Variants in AKAP19 observed in about 807,000 individuals in gnomAD.
AKAP19 encodes A-kinase anchoring protein 19, also known as small A-kinase anchoring protein.
chr2:189,917,252 C>G, the AKAP19 span: 1 of 1,245,842 alleles, frequency 8.0e-7, no homozygotes. Flanking sequence ...TTTACAAACA[C>G]TGTCTTCGCT....
the AKAP19 span, among the ~76,000 whole-genome samples, chr2:190,198,123 G>A: frequency 2.6e-5 from 4 of 152,042 alleles, no homozygotes; most frequent in Non-Finnish European, 4.4e-5. Flanking sequence ...CGTGAAGCAG[G>A]GCATACAGAA....
chr2:189,977,902 T>C, the AKAP19 span, among the ~76,000 whole-genome samples: 1 of 152,244 alleles, frequency 6.6e-6, no homozygotes, highest in East Asian at 1.9e-4. Flanking sequence ...ATACTGCTAG[T>C]CTTCATACAA....
chr2:189,920,715 C>T, the AKAP19 span, among the ~76,000 whole-genome samples: 5 of 152,106 alleles, frequency 3.3e-5, no homozygotes, highest in Non-Finnish European at 5.9e-5. Flanking sequence ...TGTTCAAATT[C>T]TCCAGCCCAC....
At chr2:190,029,031 G>C in the AKAP19 span, among the ~76,000 whole-genome samples, 1 of 151,998 alleles carries the variant, frequency 6.6e-6, no homozygotes, top group Non-Finnish European at 1.5e-5. Context: ...GTGTGGTGAG[G>C]TGTGGTAAGA....
the AKAP19 span, among the ~76,000 whole-genome samples, chr2:189,964,270 C>T: frequency 2.0e-5 from 3 of 152,106 alleles, no homozygotes; most frequent in African/African-American, 4.8e-5. Context: ...CAACAGTGGG[C>T]TTAAAATATT....
the AKAP19 span, among the ~76,000 whole-genome samples, chr2:189,980,068 A>G: frequency 6.6e-6 from 1 of 152,186 alleles, no homozygotes. Context: ...GGGGGCACCT[A>G]CCCAAAGAAA....
the AKAP19 span, among the ~76,000 whole-genome samples, chr2:190,051,064 T>C: frequency 8.5e-5 from 13 of 152,328 alleles, no homozygotes; most frequent in African/African-American, 3.1e-4. Context: ...AAATCAAAAG[T>C]TACAGTTTTT....
chr2:190,027,309 A>C, the AKAP19 span, among the ~76,000 whole-genome samples: 1 of 152,204 alleles, frequency 6.6e-6, no homozygotes, highest in Non-Finnish European at 1.5e-5. Flanking sequence ...ACTAGAGATC[A>C]AACTTGACTG....
At chr2:190,152,397 C>G in the AKAP19 span, among the ~76,000 whole-genome samples, 72 of 152,286 alleles carry the variant, frequency 4.7e-4, no homozygotes, top group East Asian at 0.014. Context: ...AAAAGTCCAT[C>G]TTAACTTTGA....
chr2:190,057,271 C>T, the AKAP19 span: 2 of 1,613,266 alleles, frequency 1.2e-6, no homozygotes, highest in Non-Finnish European at 1.7e-6. Context: ...TGAGCACCCA[C>T]AGCGGTCTAC....
chr2:189,973,988 G>A, the AKAP19 span, among the ~76,000 whole-genome samples: 5 of 151,956 alleles, frequency 3.3e-5, no homozygotes, highest in Non-Finnish European at 7.4e-5. Context: ...CTTCAGTTCT[G>A]CTCTGATCTT....
At chr2:190,169,938 CATAAG>C in the AKAP19 span, among the ~76,000 whole-genome samples, 5 of 152,148 alleles carry the variant, frequency 3.3e-5, no homozygotes, top group African/African-American at 7.2e-5. Flanking sequence ...AAGATGAGAA[CATAAG>C]ATAAGAGCTG....
the AKAP19 span, among the ~76,000 whole-genome samples, chr2:189,914,307 G>T: frequency 6.6e-6 from 1 of 152,038 alleles, no homozygotes; most frequent in Non-Finnish European, 1.5e-5. Flanking sequence ...TTTCTGAAGA[G>T]AAGTTATTTG....
chr2:190,102,737 G>C, the AKAP19 span, among the ~76,000 whole-genome samples: 1 of 152,134 alleles, frequency 6.6e-6, no homozygotes, highest in Non-Finnish European at 1.5e-5. Flanking sequence ...AGAGCAGACA[G>C]ATTCACGGAC....
chr2:189,933,262 C>T, the AKAP19 span, among the ~76,000 whole-genome samples: 1 of 152,118 alleles, frequency 6.6e-6, no homozygotes, highest in Non-Finnish European at 1.5e-5. Context: ...GACTTCTACT[C>T]CTTTTGGGAG....
chr2:189,884,422 G>A, the AKAP19 span, among the ~76,000 whole-genome samples: 14 of 152,066 alleles, frequency 9.2e-5, no homozygotes, highest in Non-Finnish European at 1.6e-4. Context: ...CTATTTTGAA[G>A]TTATTTGCAC....
chr2:190,139,714 C>A, the AKAP19 span, among the ~76,000 whole-genome samples: 3 of 152,168 alleles, frequency 2.0e-5, no homozygotes, highest in Non-Finnish European at 4.4e-5. Flanking sequence ...TTACCTCCCA[C>A]AACATGTGGA....
chr2:190,161,015 A>G, the AKAP19 span, among the ~76,000 whole-genome samples: 1 of 152,156 alleles, frequency 6.6e-6, no homozygotes, highest in African/African-American at 2.4e-5. Context: ...AGATAAGCAA[A>G]TTGTCTCTAA....
chr2:189,975,115 G>A, the AKAP19 span, among the ~76,000 whole-genome samples: 6 of 152,152 alleles, frequency 3.9e-5, no homozygotes, highest in Non-Finnish European at 8.8e-5. Context: ...GCAGTGGCTG[G>A]TACCAGTTGT....
Sources: allele counts gnomAD v4.1 joint callset (sites outside exome capture counted in the v4.1 genomes callset), GRCh38; gene constraint gnomAD v4.1.1; transcripts MANE v1.5; gene names NCBI Gene and HGNC (gene_info 2026-07-23, HGNC 2026-07-21).